SV2B: variants seen among roughly 807,000 people sequenced by gnomAD.
SV2B encodes synaptic vesicle glycoprotein 2B.
Under a neutral mutation model 73.9 loss-of-function variants are expected in SV2B, and 41 were observed. That is an observed-to-expected ratio of 0.56 (90% CI 0.43 to 0.72). SV2B has a LOEUF of 0.72. SV2B is among the 30% of genes least tolerant of loss of function. SV2B has a pLI of 0.00. For missense variants in SV2B, 764 were observed against 857.8 expected, an observed-to-expected ratio of 0.89 and a Z score of 1.37; for synonymous variants, 314 against 314.2, an observed-to-expected ratio of 1.00 and a Z score of 0.01.
rs529025993 is a variant in SV2B, at chr15:91,292,623, C to A, written c.*71C>A. ...ACTGAAATGCATCCACACTTCCTGC[C>A]TATCACGGTCCGGAGGACACCTTGG... On this transcript the variant is annotated 3_prime_UTR_variant, in exon 13 of 13. Coordinates refer to ENST00000394232, the MANE Select transcript of SV2B (RefSeq NM_001323032.3). 2 of 1,536,146 alleles carry A rather than the reference C, an allele frequency of 1.3e-6. No individual in the cohort carries two copies. The highest frequency in any genetic ancestry group is 2.0e-5 in the Admixed American group (1 of 49,810).
At chr15:91,170,619 A>G (rs1004068940) in intron 1 of SV2B, among the ~76,000 whole-genome samples, 17 of 152,248 alleles carry the variant, frequency 1.1e-4, no homozygotes, top group Admixed American at 2.0e-4. Flanking sequence ...TAAAAAGAAC[A>G]TTATACAAAC....
At chr15:91,175,617 G>C (rs1015235307) in intron 1 of SV2B, among the ~76,000 whole-genome samples, 1 of 151,926 alleles carries the variant, frequency 6.6e-6, no homozygotes, top group Admixed American at 6.6e-5. Flanking sequence ...ACCTAGAAAC[G>C]TGTTAAGTAT....
At chr15:91,119,477 C>T (rs954350583) in intron 1 of SV2B, among the ~76,000 whole-genome samples, 6 of 152,166 alleles carry the variant, frequency 3.9e-5, no homozygotes, top group African/African-American at 1.2e-4. Context: ...TCAAGCTTTG[C>T]GTTTGCCATG....
At chr15:91,210,332 C>T (rs1039337242) in intron 1 of SV2B, among the ~76,000 whole-genome samples, 9 of 151,600 alleles carry the variant, frequency 5.9e-5, no homozygotes, top group Non-Finnish European at 1.3e-4. Context: ...ACCGGGGTCC[C>T]GAACCAAGCA....
chr15:91,295,255 T>A lies in SV2B; in HGVS notation c.*2703T>A, dbSNP rs2049180231. 1 of 152,234 alleles carries A rather than the reference T, an allele frequency of 6.6e-6. No individual in the cohort carries two copies. Among genetic ancestry groups the A allele is most frequent in the African/African-American group, 2.4e-5 (1 of 41,452 alleles). The allele number at this position is 152,234 out of a possible 1,614,324, so 9.4% of individuals were successfully genotyped here. A position where few individuals can be genotyped will look rare whatever the true frequency, so the allele number is the denominator to read the frequency against. On this transcript the variant is annotated 3_prime_UTR_variant, in exon 13 of 13. Coordinates refer to ENST00000394232, the MANE Select transcript of SV2B (RefSeq NM_001323032.3). The stretch of plus-strand genomic sequence containing the variant: ...CATCTCCTGATGCTGATTTTTGATC[T>A]TTTGTTTTATTAAAAATAATTAGTG...
intron 2 of SV2B, among the ~76,000 whole-genome samples, chr15:91,243,870 C>A (rs1176084640): frequency 2.6e-5 from 4 of 152,158 alleles, no homozygotes; most frequent in Non-Finnish European, 5.9e-5. Flanking sequence ...ACATTCAGAA[C>A]CTAGAACTTC....
intron 1 of SV2B, among the ~76,000 whole-genome samples, chr15:91,209,537 G>C (rs780978945): frequency 8.5e-5 from 13 of 152,176 alleles, no homozygotes; most frequent in Non-Finnish European, 1.5e-4. Flanking sequence ...AGTTGAAAAG[G>C]CATGTTGAGG....
rs187142765 is a variant in SV2B, at chr15:91,246,656, G to T, written c.452-5163G>T. On this transcript the variant is annotated intron_variant, in intron 2 of 12. Transcript: ENST00000394232. ...CAAGGAGGGGTATTCTATTTCCTTT[G>T]TTGTGTTACCACCAATTAAAAGTCT... 3.9e-5 allele frequency among the ~76,000 whole-genome samples: 6 copies of T among 152,040 alleles called. No homozygotes were observed. In the East Asian group the frequency reaches 1.2e-3, roughly 29 times the overall value.
At chr15:91,216,718 G>A (rs983280884) in intron 1 of SV2B, among the ~76,000 whole-genome samples, 2 of 151,180 alleles carry the variant, frequency 1.3e-5, no homozygotes, top group African/African-American at 2.4e-5. Flanking sequence ...TGATCTGCCC[G>A]CCTCGGCCTC....
Position 91,176,268 on chromosome 15 carries a change from A to AT in SV2B, c.-391-49601dup, listed in dbSNP as rs569579127. ...GTATTCCATGGTGTATATGTGCCAC[A>AT]TTTTCTTAATACAGTCTATCATTGT... On this transcript the variant is annotated intron_variant, in intron 1 of 12. Transcript: ENST00000394232. 4.1e-3 allele frequency among the ~76,000 whole-genome samples: 630 copies of AT among 152,028 alleles called. 4 individuals carry two copies. Among genetic ancestry groups the AT allele is most frequent in the African/African-American group, 0.015 (605 of 41,444 alleles).
At chr15:91,249,049 C>T (rs2047369547) in intron 2 of SV2B, among the ~76,000 whole-genome samples, 1 of 140,588 alleles carries the variant, frequency 7.1e-6, no homozygotes, top group Non-Finnish European at 1.5e-5. Context: ...CACGTGCATG[C>T]ATCCATACAT....
chr15:91,168,176 C>G (rs955734797), intron 1 of SV2B, among the ~76,000 whole-genome samples: 1 of 152,122 alleles, frequency 6.6e-6, no homozygotes, highest in Non-Finnish European at 1.5e-5. Context: ...TGTGATTGCC[C>G]TCACAGTCTC....
rs2046770001 is a variant in SV2B, at chr15:91,236,105, T to C, written c.451+9391T>C. On this transcript the variant is annotated intron_variant, in intron 2 of 12. Transcript: ENST00000394232. This position sits in a 1 kb window ranked among gnomAD's most constrained non-coding sequence, Gnocchi z 4.1. ...TTTTAGCTTCTCAGTTGTTTCAACA[T>C]TGATTAAAGCAAGGATGTCTCAGGA... is the stretch of plus-strand genomic sequence containing the variant. 6.6e-6 allele frequency among the ~76,000 whole-genome samples: 1 copy of C among 152,210 alleles called. No individual in the cohort carries two copies.
At chr15:91,262,930 G>C (rs187223966) in intron 6 of SV2B, among the ~76,000 whole-genome samples, 95 of 152,318 alleles carry the variant, frequency 6.2e-4, no homozygotes, top group African/African-American at 2.2e-3. Context: ...CATGGCCAGA[G>C]GAAGTCTAAG....
chr15:91,275,261 A>G (rs910418005), intron 9 of SV2B, among the ~76,000 whole-genome samples: 1 of 151,902 alleles, frequency 6.6e-6, no homozygotes, highest in Non-Finnish European at 1.5e-5. Flanking sequence ...TACGTTCACT[A>G]TTGGTATATT....
At chr15:91,285,565 CG>C (rs1567434862) in intron 11 of SV2B, among the ~76,000 whole-genome samples, 2 of 152,220 alleles carry the variant, frequency 1.3e-5, no homozygotes, top group African/African-American at 4.8e-5. Flanking sequence ...CAGGTGGCTC[CG>C]TCTCTGCCAA....
At chr15:91,263,265 C>CAG (rs77041710) in intron 6 of SV2B, among the ~76,000 whole-genome samples, 55,482 of 148,926 alleles carry the variant, frequency 0.37, 13,912 homozygotes, top group African/African-American at 0.72. Context: ...CACACGGACA[C>CAG]AGACACATGG....
At position 91,220,126 on chromosome 15, in the gene SV2B, C is replaced by T. The variant is rs980534203; in HGVS notation, c.-391-5747C>T. Among the ~76,000 whole-genome samples, 2 of 152,164 alleles carry T rather than the reference C, an allele frequency of 1.3e-5. No homozygotes were observed. The highest frequency in any genetic ancestry group is 1.9e-4 in the East Asian group (1 of 5,200). On this transcript the variant is annotated intron_variant, in intron 1 of 12. Coordinates refer to ENST00000394232, the MANE Select transcript of SV2B (RefSeq NM_001323032.3). The surrounding 1 kb of genome is among the most constrained non-coding windows in gnomAD (Gnocchi z 4.1). ...TATTTTTATTTATCTTGGGTAGATT[C>T]TCAGAATGGAACTGCTGGGTTATTT...
At chr15:91,213,473 A>G (rs529529151) in intron 1 of SV2B, among the ~76,000 whole-genome samples, 29 of 152,262 alleles carry the variant, frequency 1.9e-4, no homozygotes, top group African/African-American at 6.3e-4. Context: ...AAAGGTATGT[A>G]TCTCCTTGTG....
Sources: allele counts gnomAD v4.1 joint callset (sites outside exome capture counted in the v4.1 genomes callset), GRCh38; gene constraint gnomAD v4.1.1; non-coding constraint Gnocchi (gnomAD v3.1); transcripts MANE v1.5; gene names NCBI Gene and HGNC (gene_info 2026-07-23, HGNC 2026-07-21).